TBC1D22A: variants seen among roughly 807,000 people sequenced by gnomAD.
The protein encoded by TBC1D22A is putative GTPase activator.
Under a neutral mutation model 60.2 loss-of-function variants are expected in TBC1D22A, and 38 were observed. The observed-to-expected ratio is 0.63, with a 90% CI of 0.49 to 0.83. The LOEUF (loss-of-function observed/expected upper bound fraction) is 0.83, where lower values mean the gene tolerates loss of function less well. Ranked by LOEUF, TBC1D22A falls within the 40% of genes least tolerant of loss-of-function variation. The pLI is 0.00. For synonymous variants in TBC1D22A, 302 were observed against 281.7 expected, an observed-to-expected ratio of 1.07 and a Z score of -0.72; for missense variants, 628 against 701.0, an observed-to-expected ratio of 0.90 and a Z score of 1.18.
intron 1 of TBC1D22A, among the ~76,000 whole-genome samples, chr22:46,781,464 C>T (rs1233502240): frequency 1.3e-5 from 2 of 152,224 alleles, no homozygotes; most frequent in African/African-American, 4.8e-5. Context: ...GCCTGAGCCA[C>T]CACGCCCAAC....
At chr22:47,150,230 A>G (rs1488203444) in intron 12 of TBC1D22A, among the ~76,000 whole-genome samples, 1 of 152,138 alleles carries the variant, frequency 6.6e-6, no homozygotes, top group Non-Finnish European at 1.5e-5. Context: ...CGCCACGCCC[A>G]TTCAGGCAAA....
chr22:46,820,528 A>G (rs963795990), intron 4 of TBC1D22A, among the ~76,000 whole-genome samples: 4 of 152,190 alleles, frequency 2.6e-5, no homozygotes, highest in Non-Finnish European at 5.9e-5. Flanking sequence ...TTCAATTTCC[A>G]TGAAATTATG....
Position 46,991,319 on chromosome 22 carries a change from G to C in TBC1D22A, c.1126-6315G>C, listed in dbSNP as rs369678316. Reference sequence around the variant, plus strand: ...CTTGGCCCTGCCCTTCCCTCCTCTTGGCAGAGACTGTAGTGAAGACGTCAA... The same window carrying C: ...CTTGGCCCTGCCCTTCCCTCCTCTTCGCAGAGACTGTAGTGAAGACGTCAA... On this transcript the variant is annotated intron_variant, in intron 9 of 12. Coordinates refer to ENST00000337137, the MANE Select transcript of TBC1D22A (RefSeq NM_014346.5). Among the ~76,000 whole-genome samples the C allele has an allele frequency of 5.3e-5, 8 of 152,158 alleles. No individual in the cohort carries two copies. In the East Asian group the frequency reaches 1.3e-3, roughly 26 times the overall value.
intron 11 of TBC1D22A, among the ~76,000 whole-genome samples, chr22:47,097,157 A>ACATGAGTATGGGCGTGGCCCCG (rs1556202899): frequency 6.6e-6 from 1 of 152,224 alleles, no homozygotes; most frequent in African/African-American, 2.4e-5. Flanking sequence ...CGTGGCCTCC[A>ACATGAGTATGGGCGTGGCCCCG]TTAGTCCCAC....
intron 4 of TBC1D22A, among the ~76,000 whole-genome samples, chr22:46,854,186 A>C (rs1331477380): frequency 6.6e-6 from 1 of 151,904 alleles, no homozygotes; most frequent in Non-Finnish European, 1.5e-5. Context: ...CTGTCTTGGG[A>C]TTTTGCCCTG....
chr22:46,825,108 A>T (rs1216930093), intron 4 of TBC1D22A, among the ~76,000 whole-genome samples: 1 of 152,258 alleles, frequency 6.6e-6, no homozygotes, highest in South Asian at 2.1e-4. Context: ...GTTTTCCCTT[A>T]ACGCAAGGCA....
intron 4 of TBC1D22A, among the ~76,000 whole-genome samples, chr22:46,835,611 C>G (rs902198517): frequency 2.6e-5 from 4 of 152,052 alleles, no homozygotes; most frequent in African/African-American, 9.7e-5. Flanking sequence ...TAAGCAAAGC[C>G]ATATACGCAT....
chr22:46,836,006 C>T (rs1387353582), intron 4 of TBC1D22A, among the ~76,000 whole-genome samples: 1 of 151,862 alleles, frequency 6.6e-6, no homozygotes, highest in Admixed American at 6.6e-5. Flanking sequence ...CTAATGAGGG[C>T]AAGAGTTTCC....
chr22:47,155,833 C>T (rs546017745), intron 12 of TBC1D22A, among the ~76,000 whole-genome samples: 2 of 152,374 alleles, frequency 1.3e-5, no homozygotes, highest in African/African-American at 2.4e-5. Context: ...TTCTTGTCTT[C>T]TGTGTATCAG....
In TBC1D22A at chr22:47,047,613, A is replaced by G. The variant is rs1278187923; in HGVS notation, c.1329+10415A>G. ...AACCCTGGGCAAGTGGCTGAGGCCT[A>G]CTGCCCCAGGTTGGCCCCACCAGTG... On this transcript the variant is annotated intron_variant, in intron 11 of 12. Coordinates refer to ENST00000337137, the MANE Select transcript of TBC1D22A (RefSeq NM_014346.5). Among the ~76,000 whole-genome samples the G allele has an allele frequency of 3.3e-5, 5 of 152,230 alleles. 1 individual carries two copies. In the South Asian group the frequency reaches 6.2e-4, roughly 19 times the overall value.
chr22:47,155,778 G>A (rs574345690), intron 12 of TBC1D22A, among the ~76,000 whole-genome samples: 42 of 152,370 alleles, frequency 2.8e-4, no homozygotes, highest in African/African-American at 9.9e-4. Context: ...CCTCAGGGGC[G>A]GTGGTGCGGA....
At chr22:47,006,674 A>G (rs2061602693) in intron 10 of TBC1D22A, among the ~76,000 whole-genome samples, 1 of 152,142 alleles carries the variant, frequency 6.6e-6, no homozygotes, top group African/African-American at 2.4e-5. Context: ...CCCCCGCTCT[A>G]GTGGCGGTTG....
chr22:46,905,245 G>C (rs935955431), intron 7 of TBC1D22A, among the ~76,000 whole-genome samples: 28 of 150,876 alleles, frequency 1.9e-4, no homozygotes, highest in African/African-American at 6.7e-4. Context: ...CATATGAAGT[G>C]ATTCAAGACA....
At chr22:47,024,641 C>T (rs2148350222) in intron 10 of TBC1D22A, among the ~76,000 whole-genome samples, 1 of 152,120 alleles carries the variant, frequency 6.6e-6, no homozygotes, top group South Asian at 2.1e-4. Context: ...ATTACTTGGG[C>T]CTGGGAGTTT....
At chr22:46,986,966 A>G (rs953966195) in intron 9 of TBC1D22A, among the ~76,000 whole-genome samples, 1 of 151,886 alleles carries the variant, frequency 6.6e-6, no homozygotes, top group Admixed American at 6.5e-5. Context: ...GGCCTACGTG[A>G]CTCTAAGAGT....
chr22:47,058,319 C>A (rs1235992308), intron 11 of TBC1D22A, among the ~76,000 whole-genome samples: 3 of 152,146 alleles, frequency 2.0e-5, no homozygotes, highest in Non-Finnish European at 4.4e-5. Context: ...CTCCTATGAT[C>A]CTGTCCCTCT....
intron 5 of TBC1D22A, 120 bp from the exon 6 acceptor site, chr22:46,891,146 G>C (rs748623874): frequency 4.2e-5 from 48 of 1,146,104 alleles, no homozygotes; most frequent in Non-Finnish European, 5.4e-5. Context: ...GCTCCTCTCT[G>C]TGTCAGATTT....
chr22:47,111,777 AGTGGTCAC>A lies in TBC1D22A; in HGVS notation c.1425+183_1425+190del, dbSNP rs138075472. On this transcript the variant is annotated intron_variant, in intron 12 of 12. Transcript: ENST00000337137. ...GTCCAGCTGAGGAGATGAGCCTGGC[AGTGGTCAC>A]GTGGTCACAGCAGTGGAAACGCTGC... Among the ~76,000 whole-genome samples the A allele has an allele frequency of 4.0e-3, 615 of 152,302 alleles. 3 individuals carry two copies. The highest frequency in any genetic ancestry group is 0.011 in the African/African-American group (446 of 41,552).
rs1433016629 is a variant in TBC1D22A at position 46,900,297 on chromosome 22, A to G, written c.900+5451A>G. Among the ~76,000 whole-genome samples, 16 of 151,890 alleles carry G rather than the reference A, an allele frequency of 1.1e-4. 1 individual carries two copies. The highest frequency in any genetic ancestry group is 8.5e-4 in the Admixed American group (13 of 15,258). On this transcript the variant is annotated intron_variant, in intron 7 of 12. Transcript: ENST00000337137. ...CTCCCGAGTAGCTGGGATTACAGGC[A>G]CCCACCACCATGTCCAGCTAATTTT...
Sources: allele counts gnomAD v4.1 joint callset (sites outside exome capture counted in the v4.1 genomes callset), GRCh38; gene constraint gnomAD v4.1.1; transcripts MANE v1.5; gene names NCBI Gene and HGNC (gene_info 2026-07-23, HGNC 2026-07-21).